The following MACROD2 variants were observed in gnomAD, a reference collection of about 807,000 sequenced individuals.
MACROD2 encodes mono-ADP ribosylhydrolase 2, also known as ADP-ribose glycohydrolase MACROD2.
MACROD2 carries 36 observed loss-of-function variants against 70.4 expected under a neutral mutation model. The observed-to-expected ratio is 0.51, with a 90% CI of 0.39 to 0.68. MACROD2 has a LOEUF of 0.68. MACROD2 is among the 30% of genes least tolerant of loss of function. MACROD2 has a pLI of 0.00. For missense variants in MACROD2, 496 were observed against 538.4 expected (o/e 0.92, Z 0.78); for synonymous variants, 172 against 178.8 (o/e 0.96, Z 0.30).
chr20:15,417,920 A>T (rs1371380522), intron 6 of MACROD2, among the ~76,000 whole-genome samples: 1 of 152,186 alleles, frequency 6.6e-6, no homozygotes, highest in Non-Finnish European at 1.5e-5. Context: ...CACACTGTGG[A>T]TGCTGAAAAA....
At position 13,995,897 on chromosome 20, in the gene MACROD2, G is replaced by T. The variant is rs1299596662; in HGVS notation, c.46+88G>T. On this transcript the variant is annotated intron_variant, in intron 1 of 17. Transcript: ENST00000684519. The surrounding 1 kb of genome is among the most constrained non-coding windows in gnomAD (Gnocchi z 4.3). ...GGCTGTGTGTGCCGCGGCGCCCTCC[G>T]CCCGAGCTCCCGCCTCGCGCCCTCC... The T allele has an allele frequency of 6.8e-7, 1 of 1,460,540 alleles. No homozygotes were observed. Among genetic ancestry groups the T allele is most frequent in the Non-Finnish European group, 9.4e-7 (1 of 1,068,790 alleles). 90.5% of individuals were successfully genotyped at this position (1,460,540 alleles called of 1,614,324 possible).
intron 12 of MACROD2, among the ~76,000 whole-genome samples, chr20:15,947,775 G>A (rs1285094024): frequency 1.3e-5 from 2 of 152,146 alleles, no homozygotes; most frequent in Non-Finnish European, 1.5e-5. Context: ...CAGTTTCTTG[G>A]AGAATTTAAT....
intron 3 of MACROD2, among the ~76,000 whole-genome samples, chr20:14,196,889 C>T (rs1048816982): frequency 1.3e-4 from 20 of 152,248 alleles, no homozygotes; most frequent in African/African-American, 4.8e-4. Context: ...CTCCAAAGTT[C>T]ATGGGTCCTA....
intron 5 of MACROD2, among the ~76,000 whole-genome samples, chr20:14,714,783 A>G (rs142412216): frequency 2.6e-4 from 40 of 152,240 alleles, no homozygotes; most frequent in African/African-American, 8.2e-4. Context: ...AGATCCCCTT[A>G]TAGAAGGGTC....
At chr20:15,350,869 G>C (rs955289189) in intron 6 of MACROD2, among the ~76,000 whole-genome samples, 6 of 151,902 alleles carry the variant, frequency 3.9e-5, no homozygotes, top group Non-Finnish European at 8.8e-5. Flanking sequence ...CTAATTAACT[G>C]GTAACTTAAT....
intron 8 of MACROD2, among the ~76,000 whole-genome samples, chr20:15,726,012 A>C (rs904089881): frequency 1.5e-4 from 23 of 152,236 alleles, no homozygotes; most frequent in African/African-American, 3.4e-4. Flanking sequence ...TTTGATGGAC[A>C]GATTATTTCA....
chr20:14,114,965 A>G (rs1187136708), intron 3 of MACROD2, among the ~76,000 whole-genome samples: 1 of 152,110 alleles, frequency 6.6e-6, no homozygotes, highest in Admixed American at 6.6e-5. Context: ...TTTTCCCTGG[A>G]GCATATTGCA....
At chr20:15,350,153 T>C (rs1237779089) in intron 6 of MACROD2, among the ~76,000 whole-genome samples, 1 of 152,192 alleles carries the variant, frequency 6.6e-6, no homozygotes, top group Non-Finnish European at 1.5e-5. Context: ...TGAATACCTT[T>C]GGCTGCCAGA....
chr20:16,013,245 G>A (rs754171092), intron 15 of MACROD2, among the ~76,000 whole-genome samples: 7 of 152,138 alleles, frequency 4.6e-5, no homozygotes, highest in Non-Finnish European at 7.4e-5. Context: ...GGTGGCATAA[G>A]TAATATATAT....
At chr20:15,971,326 G>A (rs1004028393) in intron 13 of MACROD2, among the ~76,000 whole-genome samples, 5 of 152,086 alleles carry the variant, frequency 3.3e-5, no homozygotes, top group African/African-American at 1.2e-4. Context: ...GGACCCTGTA[G>A]GAGGTAATTG....
intron 2 of MACROD2, among the ~76,000 whole-genome samples, chr20:14,072,342 G>A (rs1458893861): frequency 6.6e-6 from 1 of 152,100 alleles, no homozygotes; most frequent in Non-Finnish European, 1.5e-5. Flanking sequence ...TTCATTCACA[G>A]ATGGACTCTT....
chr20:15,007,408 A>G (rs978507477), intron 5 of MACROD2, among the ~76,000 whole-genome samples: 9 of 151,934 alleles, frequency 5.9e-5, no homozygotes, highest in African/African-American at 2.2e-4. Flanking sequence ...AGCCCAGGAG[A>G]ATTCTCACAC....
chr20:16,037,346 G>T (rs552386901), intron 15 of MACROD2, among the ~76,000 whole-genome samples: 1 of 151,848 alleles, frequency 6.6e-6, no homozygotes. Flanking sequence ...GATACCAGAG[G>T]GGTTTCCCCA....
intron 5 of MACROD2, among the ~76,000 whole-genome samples, chr20:15,199,442 G>A (rs961479766): frequency 9.2e-5 from 14 of 152,130 alleles, no homozygotes; most frequent in African/African-American, 3.4e-4. Context: ...TAACCTCTTT[G>A]AATTTCCATT....
chr20:15,356,485 C>A (rs976378313), intron 6 of MACROD2, among the ~76,000 whole-genome samples: 14 of 151,968 alleles, frequency 9.2e-5, no homozygotes, highest in Middle Eastern at 3.2e-3. Context: ...TAACAATGAC[C>A]TATAATTTAA....
intron 5 of MACROD2, among the ~76,000 whole-genome samples, chr20:14,726,774 T>C (rs569857037): frequency 1.5e-4 from 23 of 152,290 alleles, no homozygotes; most frequent in African/African-American, 5.3e-4. Context: ...TCCAGCTCTG[T>C]TCTCCTCAGA....
intron 5 of MACROD2, among the ~76,000 whole-genome samples, chr20:14,806,881 G>C (rs776437506): frequency 1.4e-4 from 21 of 152,076 alleles, no homozygotes; most frequent in Non-Finnish European, 2.9e-4. Context: ...TAGCCAGACT[G>C]CCTCTCTAGA....
intron 8 of MACROD2, among the ~76,000 whole-genome samples, chr20:15,556,310 A>G (rs780678169): frequency 3.3e-5 from 5 of 152,182 alleles, no homozygotes; most frequent in Admixed American, 6.5e-5. Context: ...GGTTACACCA[A>G]TATAAATGAT....
chr20:14,805,925 C>T (rs2072633458), intron 5 of MACROD2, among the ~76,000 whole-genome samples: 1 of 152,016 alleles, frequency 6.6e-6, no homozygotes, highest in Admixed American at 6.6e-5. Context: ...TCTTGTGTGA[C>T]CTCAGACACA....
Sources: allele counts gnomAD v4.1 joint callset (sites outside exome capture counted in the v4.1 genomes callset), GRCh38; gene constraint gnomAD v4.1.1; non-coding constraint Gnocchi (gnomAD v3.1); transcripts MANE v1.5; gene names NCBI Gene and HGNC (gene_info 2026-07-23, HGNC 2026-07-21).